Variants in KANSL1L observed in about 807,000 individuals in gnomAD.
The protein encoded by KANSL1L is KAT8 regulatory NSL complex subunit 1-like protein.
A neutral mutation model predicts 108.6 loss-of-function variants in KANSL1L; 25 were observed. That is an observed-to-expected ratio of 0.23 (90% CI 0.17 to 0.32). KANSL1L has a LOEUF of 0.32. Ranked by LOEUF, KANSL1L falls within the 10% of genes least tolerant of loss-of-function variation. The probability of loss-of-function intolerance (pLI) is 1.00; values close to 1 mark genes in which losing one functional copy is unlikely to be tolerated. For missense variants in KANSL1L, 1,137 were observed against 1,125.7 expected (o/e 1.01, Z -0.14); for synonymous variants, 405 against 395.1 (o/e 1.03, Z -0.30).
At chr2:210,061,360 T>G (rs2125274728) in intron 6 of KANSL1L, among the ~76,000 whole-genome samples, 1 of 152,250 alleles carries the variant, frequency 6.6e-6, no homozygotes, top group Admixed American at 6.5e-5. Context: ...TTAATCAGGG[T>G]GGCTTCTGTT....
At chr2:210,073,544 G>GA (rs539705546) in intron 6 of KANSL1L, among the ~76,000 whole-genome samples, 29 of 147,162 alleles carry the variant, frequency 2.0e-4, no homozygotes, top group South Asian at 1.1e-3. Context: ...AAATGGAAAA[G>GA]AAAAAAAAAA....
chr2:210,115,463 T>C (rs555179010), intron 3 of KANSL1L, among the ~76,000 whole-genome samples: 41 of 152,298 alleles, frequency 2.7e-4, no homozygotes, highest in Non-Finnish European at 2.1e-4. Flanking sequence ...ACTCAAACTA[T>C]AACCCAAGGA....
intron 3 of KANSL1L, among the ~76,000 whole-genome samples, chr2:210,118,617 C>T (rs543971963): frequency 1.3e-5 from 2 of 151,958 alleles, no homozygotes; most frequent in African/African-American, 4.8e-5. Context: ...AAGGCCAGGG[C>T]AGGCAGACTG....
At chr2:210,027,205 T>G in intron 12 of KANSL1L, 91 bp downstream of exon 12, 4 of 832,550 alleles carry the variant, frequency 4.8e-6, no homozygotes, top group Admixed American at 1.9e-5. Context: ...GTTAAAGGGC[T>G]TATATATTCC....
At chr2:210,030,607 G>A (rs1463084734) in intron 9 of KANSL1L, 2 of 146,756 alleles carry the variant, frequency 1.4e-5, no homozygotes, top group African/African-American at 5.0e-5. Flanking sequence ...TAGTACAAGT[G>A]TTTTAAAATG....
chr2:210,133,528 T>G lies in KANSL1L; in HGVS notation c.1089-4356A>C, dbSNP rs549832691. 2.0e-5 allele frequency among the ~76,000 whole-genome samples: 3 copies of G among 152,222 alleles called. No individual in the cohort carries two copies. In the East Asian group the frequency reaches 5.8e-4, roughly 29 times the overall value. The stretch of plus-strand genomic sequence containing the variant: ...GCTAGAAGTTTATAATTCTCTCCAT[T>G]GTTTTCATGTTTTATATTCTGTGAA... On this transcript the variant is annotated intron_variant, in intron 2 of 14. Transcript: ENST00000281772.
At chr2:210,136,508 T>G (rs2095175403) in intron 2 of KANSL1L, among the ~76,000 whole-genome samples, 1 of 152,156 alleles carries the variant, frequency 6.6e-6, no homozygotes, top group East Asian at 1.9e-4. Context: ...ATCAAAACAT[T>G]TATTTGCTAA....
intron 2 of KANSL1L, among the ~76,000 whole-genome samples, chr2:210,133,657 A>G (rs1487158828): frequency 1.3e-5 from 2 of 152,092 alleles, no homozygotes; most frequent in Non-Finnish European, 2.9e-5. Flanking sequence ...AGACTACACT[A>G]TTCTCCTTTC....
At chr2:210,112,833 T>G (rs1361213706) in intron 3 of KANSL1L, among the ~76,000 whole-genome samples, 1 of 152,132 alleles carries the variant, frequency 6.6e-6, no homozygotes, top group Non-Finnish European at 1.5e-5. Context: ...CTAATGTCAT[T>G]ACTTCAAAAA....
In KANSL1L at chr2:210,029,941, A is replaced by T. The variant is rs201628091; in HGVS notation, c.2156-23T>A. On this transcript the variant is annotated intron_variant, in intron 9 of 14. Transcript: ENST00000281772. ...CTCCTGCCATGGAAAGAACCATTGA[A>T]TGTTACACATTAAACAAGTCTAATA... 15 of 1,173,060 alleles carry T rather than the reference A, an allele frequency of 1.3e-5. No homozygotes were observed. The East Asian group carries it at 3.5e-4, about 28-fold the overall frequency. 72.7% of individuals were successfully genotyped at this position (1,173,060 alleles called of 1,614,324 possible).
chr2:210,038,613 C>T (rs1477086716), intron 8 of KANSL1L, among the ~76,000 whole-genome samples: 1 of 151,950 alleles, frequency 6.6e-6, no homozygotes, highest in Non-Finnish European at 1.5e-5. Flanking sequence ...TCATTTTTAA[C>T]ATTTAACTTT....
rs900151982 is a variant in KANSL1L at position 210,044,652 on chromosome 2, GA to G, written c.1756-549del. ...TATTCCTAGCTTGCCAAAAGAACTT[GA>G]AAAAAAATATATTAATGTTGAATTT... On this transcript the variant is annotated intron_variant, in intron 6 of 14. Coordinates refer to ENST00000281772, the MANE Select transcript of KANSL1L (RefSeq NM_152519.4). This position sits in a 1 kb window ranked among gnomAD's most constrained non-coding sequence, Gnocchi z 4.2. 1.3e-5 allele frequency among the ~76,000 whole-genome samples: 2 copies of G among 150,434 alleles called. No individual in the cohort carries two copies. Among genetic ancestry groups the G allele is most frequent in the Admixed American group, 6.6e-5 (1 of 15,126 alleles).
chr2:210,070,021 G>A (rs1345652120), intron 6 of KANSL1L, among the ~76,000 whole-genome samples: 4 of 150,084 alleles, frequency 2.7e-5, no homozygotes, highest in African/African-American at 9.8e-5. Context: ...TAGAGACAGG[G>A]TTTCACCATG....
intron 11 of KANSL1L, 74 bp from the exon 12 acceptor site, chr2:210,027,424 A>T: frequency 2.1e-6 from 2 of 943,506 alleles, no homozygotes; most frequent in South Asian, 2.7e-5. Flanking sequence ...CAGCACAGCT[A>T]AATGTATTAG....
At chr2:210,110,430 A>T (rs979578388) in intron 3 of KANSL1L, among the ~76,000 whole-genome samples, 1 of 152,208 alleles carries the variant, frequency 6.6e-6, no homozygotes, top group African/African-American at 2.4e-5. Context: ...TTGAATTTCT[A>T]GAAACCTATT....
intron 3 of KANSL1L, among the ~76,000 whole-genome samples, chr2:210,108,443 C>T (rs1291945378): frequency 3.9e-5 from 6 of 152,088 alleles, no homozygotes; most frequent in Admixed American, 1.3e-4. Context: ...AAGAAGTATA[C>T]AGTACTGCTT....
At chr2:210,100,879 C>G (rs1575529899) in intron 4 of KANSL1L, among the ~76,000 whole-genome samples, 1 of 152,174 alleles carries the variant, frequency 6.6e-6, no homozygotes, top group African/African-American at 2.4e-5. Context: ...CTCAAGCAAT[C>G]TGCCCACCTT....
At chr2:210,162,222 G>GTACATA (rs2095365209) in intron 1 of KANSL1L, among the ~76,000 whole-genome samples, 1 of 107,474 alleles carries the variant, frequency 9.3e-6, no homozygotes, top group Non-Finnish European at 1.9e-5. Context: ...AGTGGTTCAG[G>GTACATA]TATATATATA....
chr2:210,025,249 CA>C (rs758857199), intron 12 of KANSL1L, 33 bp from the exon 13 acceptor site: 6 of 1,308,890 alleles, frequency 4.6e-6, no homozygotes. Context: ...TTGTTTTAAT[CA>C]GAAACATTTT....
Sources: allele counts gnomAD v4.1 joint callset (sites outside exome capture counted in the v4.1 genomes callset), GRCh38; gene constraint gnomAD v4.1.1; non-coding constraint Gnocchi (gnomAD v3.1); transcripts MANE v1.5; gene names NCBI Gene and HGNC (gene_info 2026-07-23, HGNC 2026-07-21).